Variants in AHNAK2 observed in about 807,000 individuals in gnomAD.
AHNAK2 encodes the protein AHNAK nucleoprotein 2.
Under a neutral mutation model 30.7 loss-of-function variants are expected in AHNAK2, and 18 were observed. That is an observed-to-expected ratio of 0.59 (90% confidence interval 0.41 to 0.87). The LOEUF is 0.87. AHNAK2 is among the 40% of genes least tolerant of loss of function. The pLI is 0.00. For synonymous variants in AHNAK2, 3,590 were observed against 3,073.8 expected (o/e 1.17, Z -5.56); for missense variants, 8,604 against 7,373.0 (o/e 1.17, Z -6.11).
In AHNAK2 at chr14:104,947,095, G is replaced by C. The variant is rs1430739454; in HGVS notation, c.8356C>G (p.Pro2786Ala). 27 of 1,612,472 alleles carry C rather than the reference G, an allele frequency of 1.7e-5. No homozygotes were observed. The highest frequency in any genetic ancestry group is 2.2e-5 in the Non-Finnish European group (26 of 1,179,596). ...LSSMEVDVQAPRAKLDGARLE... is the reference protein window; with the variant it reads ...LSSMEVDVQAARAKLDGARLE... Reference sequence around the variant, plus strand: ...CGCGCACCATCCAGCTTTGCTCTCGGGGCCTGGACGTCCACCTCCATGCTG... The same window carrying C: ...CGCGCACCATCCAGCTTTGCTCTCGCGGCCTGGACGTCCACCTCCATGCTG... The change falls in exon 7 of 7, where the codon CCG (proline) becomes GCG (alanine). Residue 2786 changes from proline (P) to alanine (A), a missense_variant. Physicochemically the swap from Pro to Ala is conservative, Grantham distance 27. Coordinates refer to ENST00000333244, the MANE Select transcript of AHNAK2 (RefSeq NM_138420.4).
At position 104,945,912 on chromosome 14, in the gene AHNAK2, G is replaced by A. The variant is rs776787571; in HGVS notation, c.9539C>T (p.Pro3180Leu). 22 of 1,248,328 alleles carry A rather than the reference G, an allele frequency of 1.8e-5. 5 individuals carry two copies. Among genetic ancestry groups the A allele is most frequent in the Admixed American group, 7.5e-5 (4 of 53,598 alleles). The allele number at this position is 1,248,328 out of a possible 1,614,324, so 77.3% of individuals were successfully genotyped here. The part of the protein sequence containing the change: ...APKVEADLSL[P>L]SMQGDLKNTD... ...GTTCTTCAGGTCCCCCTGCATGGAG[G>A]GGAGGCTCAGGTCGGCCTCCACCTT... Residue 3180 changes from proline (P) to leucine (L), a missense_variant, in exon 7 of 7, where the codon CCC becomes CTC. Pro to Leu is a moderately conservative substitution (Grantham distance 98). Transcript: ENST00000333244.
chr14:104,947,055 A>G lies in AHNAK2; in HGVS notation c.8396T>C (p.Leu2799Pro). ...KLDGARLEGD[L>P]SLADKGMTAK... ...TGTCATGCCCTTGTCGGCCAGGGAC[A>G]GGTCCCCCTCCAGCCGCGCACCATC... The change falls in exon 7 of 7, where the codon CTG becomes CCG. Residue 2799 changes from leucine to proline, a missense_variant. Transcript: ENST00000333244. 2 of 1,612,380 alleles carry G rather than the reference A, an allele frequency of 1.2e-6. No homozygotes were observed. The highest frequency in any genetic ancestry group is 1.7e-6 in the Non-Finnish European group (2 of 1,179,578).
In AHNAK2 at chr14:104,938,933, G is replaced by GA; in HGVS notation, c.16517dup (p.Thr5508HisfsTer26). The stretch of plus-strand genomic sequence containing the variant: ...AAGGTGTTTGAATCTCTGACGTGGG[G>GA]ATCTCTGATTCCCGCACAATCTGAG... On this transcript the variant is annotated frameshift_variant, in exon 7 of 7. Transcript: ENST00000333244. LOFTEE classifies it low-confidence loss of function (END_TRUNC). 1 of 1,613,522 alleles carries GA rather than the reference G, an allele frequency of 6.2e-7. No homozygotes were observed.
At position 104,944,993 on chromosome 14, in the gene AHNAK2, C is replaced by A. The variant is rs376865917; in HGVS notation, c.10458G>T (p.Ser3486=). 3.7e-4 allele frequency: 600 copies of A among 1,611,110 alleles called. 2 individuals carry two copies. The African/African-American group carries it at 4.6e-3, about 12-fold the overall frequency. The change falls in exon 7 of 7, where the codon TCG becomes TCT. Residue 3486 remains serine (S), a synonymous_variant. Transcript: ENST00000333244. The part of the protein sequence containing the change: ...PKFKMPSFGV[S]APGRSIEASL... The stretch of plus-strand genomic sequence containing the variant: ...AGGCCTCGATGGACCTGCCTGGGGC[C>A]GACACCCCGAAGGAGGGCATCTTGA...
At position 104,956,592 on chromosome 14, in the gene AHNAK2, G is replaced by C; in HGVS notation, c.311C>G (p.Pro104Arg). ...CTCAGCTCCTGCTGTACCCACCTCT[G>C]GACGACTCATCCTGAAAAATGTCCG... The part of the protein sequence containing the change: ...DSRTFFRMSR[P>R]EAVQEATEVT... Residue 104 changes from proline (P) to arginine (R), a missense_variant, in exon 4 of 7, where the codon CCA (proline) becomes CGA (arginine). Transcript: ENST00000333244. 6.2e-7 allele frequency: 1 copy of C among 1,613,780 alleles called. No individual in the cohort carries two copies.
rs771530796 is a variant in AHNAK2 at position 104,951,953 on chromosome 14, G to A, written c.3498C>T (p.Pro1166=). 1.9e-6 allele frequency: 3 copies of A among 1,611,654 alleles called. No individual in the cohort carries two copies. Among genetic ancestry groups the A allele is most frequent in the African/African-American group, 1.4e-5 (1 of 74,060 alleles). ...VTAKDSRFKM[P]KFKMPSFGAS... is the part of the protein sequence containing the mutation. The stretch of plus-strand genomic sequence containing the variant: ...CCCCGAACGATGGCATCTTGAACTT[G>A]GGCATTTTGAACCTGCTGTCTTTGG... The change falls in exon 7 of 7, where the codon CCC becomes CCT. Residue 1166 remains proline, a synonymous_variant. Transcript: ENST00000333244.
In AHNAK2 at chr14:104,955,645, G is replaced by C; in HGVS notation, c.316-12C>G. ...GCCTCCTGGACAGCCTGGAGCAGAAGCACATCAGGGCCATGGTGAGCATGT... is the reference window on the plus strand; with the variant it reads ...GCCTCCTGGACAGCCTGGAGCAGAACCACATCAGGGCCATGGTGAGCATGT... On this transcript the variant is annotated splice_polypyrimidine_tract_variant and intron_variant, in intron 4 of 6. Transcript: ENST00000333244. 6.2e-7 allele frequency: 1 copy of C among 1,611,544 alleles called. No individual in the cohort carries two copies. The highest frequency in any genetic ancestry group is 8.5e-7 in the Non-Finnish European group (1 of 1,178,766).
At chr14:104,972,566 C>T (rs1030491850) in intron 1 of AHNAK2, among the ~76,000 whole-genome samples, 2 of 152,142 alleles carry the variant, frequency 1.3e-5, no homozygotes, top group Admixed American at 1.3e-4. Context: ...GAGGGAGGTG[C>T]CCTGCACAGC....
rs187630833 is a variant in AHNAK2, at chr14:104,949,057, T to A, written c.6394A>T (p.Ser2132Cys). 9.4e-7 allele frequency: 1 copy of A among 1,061,876 alleles called. No individual in the cohort carries two copies. Among genetic ancestry groups the A allele is most frequent in the Non-Finnish European group, 1.4e-6 (1 of 730,844 alleles). The allele number at this position is 1,061,876 out of a possible 1,614,324, so 65.8% of individuals were successfully genotyped here. A position where few individuals can be genotyped will look rare whatever the true frequency, so the allele number is the denominator to read the frequency against. ...GTCAGGTCCCCCTGCAGATGCGCAC[T>A]ATCCAGCTTGGCTCTTGGGGCCTGG... ...DVQAPRAKLD[S>C]AHLQGDLTLA... The change falls in exon 7 of 7, where the codon AGT becomes TGT. Residue 2132 changes from serine (S) to cysteine (C), a missense_variant. Physicochemically the swap from Ser to Cys is moderately radical, Grantham distance 112. Transcript: ENST00000333244.
chr14:104,940,143 T>G lies in AHNAK2; in HGVS notation c.15308A>C (p.Asp5103Ala), dbSNP rs753861758. The G allele has an allele frequency of 6.2e-7, 1 of 1,613,426 alleles. No individual in the cohort carries two copies. The highest frequency in any genetic ancestry group is 8.5e-7 in the Non-Finnish European group (1 of 1,179,894). Reference protein sequence around the residue: ...HIPSLGFAKPDLRSSKAKVEV... With the variant: ...HIPSLGFAKPALRSSKAKVEV... ...CACCTTGGCCTTGGAGGATCTGAGA[T>G]CAGGTTTGGCAAAGCCCAAACTGGG... Residue 5103 changes from aspartate (D) to alanine (A), a missense_variant, in exon 7 of 7, where the codon GAT (aspartate) becomes GCT (alanine). Asp to Ala is a moderately radical substitution (Grantham distance 126). Transcript: ENST00000333244. The surrounding 1 kb of genome is among the most constrained non-coding windows in gnomAD (Gnocchi z 4.4).
rs1303790118 is a variant in AHNAK2, at chr14:104,942,850, G to A, written c.12601C>T (p.Leu4201Phe). ...CCCTTGGGCAGGGGGCCCTCCGGGA[G>A]TTTCACGTCCACTTGGCCAGCCTGG... ...EVQAGQVDVK[L>F]PEGPLPKGAG... The change falls in exon 7 of 7, where the codon CTC (leucine) becomes TTC (phenylalanine). Residue 4201 changes from leucine to phenylalanine, a missense_variant. Physicochemically the swap from Leu to Phe is conservative, Grantham distance 22. Transcript: ENST00000333244. The A allele has an allele frequency of 2.5e-6, 4 of 1,612,822 alleles. No homozygotes were observed. The Middle Eastern group carries it at 4.9e-4, about 199-fold the overall frequency.
In AHNAK2 at chr14:104,943,090, G is replaced by C; in HGVS notation, c.12361C>G (p.Leu4121Val). The change falls in exon 7 of 7, where the codon CTG becomes GTG. Residue 4121 changes from leucine (L) to valine (V), a missense_variant. Leu to Val is a conservative substitution (Grantham distance 32). Transcript: ENST00000333244. ...DGVQLEGDLS[L>V]ADKDVTAKDS... ...TTGGCAGTCACATCCTTGTCGGCCA[G>C]GGACAGGTCCCCCTCCAGCTGCACA... 1 of 1,613,202 alleles carries C rather than the reference G, an allele frequency of 6.2e-7. No individual in the cohort carries two copies. The highest frequency in any genetic ancestry group is 8.5e-7 in the Non-Finnish European group (1 of 1,179,586).
chr14:104,953,926 T>C lies in AHNAK2; in HGVS notation c.1525A>G (p.Ser509Gly). The C allele has an allele frequency of 6.2e-7, 1 of 1,614,036 alleles. No homozygotes were observed. The highest frequency in any genetic ancestry group is 1.3e-5 in the African/African-American group (1 of 75,064). ...TGTCTCTTCCCTCGCTGTGGGGTAC[T>C]AAGGCGCCTTTCTCTTTCTGGCTCT... The part of the protein sequence containing the change: ...EKEPERERRL[S>G]TPQRGKRQDA... Residue 509 changes from serine to glycine, a missense_variant, in exon 7 of 7, where the codon AGT becomes GGT. Coordinates refer to ENST00000333244, the MANE Select transcript of AHNAK2 (RefSeq NM_138420.4).
intron 1 of AHNAK2, chr14:104,970,596 G>C (rs1899447338): frequency 2.2e-6 from 2 of 897,518 alleles, no homozygotes. Context: ...GCTGGCTCTG[G>C]ACCCTGCCAG....
At position 104,941,706 on chromosome 14, in the gene AHNAK2, A is replaced by C; in HGVS notation, c.13745T>G (p.Val4582Gly). 1.9e-6 allele frequency: 3 copies of C among 1,613,436 alleles called. No individual in the cohort carries two copies. In the South Asian group the frequency reaches 3.3e-5, roughly 18 times the overall value. Residue 4582 changes from valine to glycine, a missense_variant, in exon 7 of 7, where the codon GTG (valine) becomes GGG (glycine). Physicochemically the swap from Val to Gly is moderately radical, Grantham distance 109. Coordinates refer to ENST00000333244, the MANE Select transcript of AHNAK2 (RefSeq NM_138420.4). Reference protein sequence around the residue: ...KLDLKGPKAEVMAPDVEVSLP... With the variant: ...KLDLKGPKAEGMAPDVEVSLP... The stretch of plus-strand genomic sequence containing the variant: ...AGACACCTCCACATCGGGGGCCATC[A>C]CCTCTGCCTTTGGGCCTTTCAGGTC...
intron 1 of AHNAK2, among the ~76,000 whole-genome samples, chr14:104,961,480 A>T (rs923894069): frequency 3.3e-5 from 5 of 150,988 alleles, no homozygotes; most frequent in Non-Finnish European, 5.9e-5. Context: ...GCGTCACTGC[A>T]CTCCAGCCTG....
rs369308227 is a variant in AHNAK2 at position 104,953,135 on chromosome 14, G to T, written c.2316C>A (p.Asp772Glu). ...QRPSLKMPKV[D>E]LKGPKLDLKG... ...TCAGGTCCAGCTTGGGGCCCTTGAG[G>T]TCCACTTTGGGCATCTTCAAACTGG... Residue 772 changes from aspartate to glutamate, a missense_variant, in exon 7 of 7, where the codon GAC becomes GAA. Asp to Glu is a conservative substitution (Grantham distance 45). Transcript: ENST00000333244. The T allele has an allele frequency of 4.3e-6, 7 of 1,611,964 alleles. No homozygotes were observed. The African/African-American group carries it at 6.7e-5, about 15-fold the overall frequency.
At position 104,958,171 on chromosome 14, in the gene AHNAK2, G is replaced by A. The variant is rs560733141; in HGVS notation, c.56-499C>T. ...AAACTATTAAAAGTTTGTTCAGGCCGGGCACGGTGGCTCATGCCTGTAATC... is the reference window on the plus strand; with the variant it reads ...AAACTATTAAAAGTTTGTTCAGGCCAGGCACGGTGGCTCATGCCTGTAATC... On this transcript the variant is annotated intron_variant, in intron 1 of 6. Coordinates refer to ENST00000333244, the MANE Select transcript of AHNAK2 (RefSeq NM_138420.4). 3.3e-5 allele frequency among the ~76,000 whole-genome samples: 5 copies of A among 152,310 alleles called. No individual in the cohort carries two copies. In the South Asian group the frequency reaches 1.0e-3, roughly 32 times the overall value.
Position 104,941,200 on chromosome 14 carries a change from C to G in AHNAK2, c.14251G>C (p.Ala4751Pro), listed in dbSNP as rs766482831. 3 of 1,613,554 alleles carry G rather than the reference C, an allele frequency of 1.9e-6. No individual in the cohort carries two copies. The highest frequency in any genetic ancestry group is 1.1e-5 in the South Asian group (1 of 91,078). The change falls in exon 7 of 7, where the codon GCT (alanine) becomes CCT (proline). Residue 4751 changes from alanine to proline, a missense_variant. Coordinates refer to ENST00000333244, the MANE Select transcript of AHNAK2 (RefSeq NM_138420.4). Reference protein sequence around the residue: ...CSSFELQQVSACSEPSMQMPK... With the variant: ...CSSFELQQVSPCSEPSMQMPK... ...ATCTGCATGGATGGCTCTGAACAAG[C>G]CGAAACCTGTTGTAATTCAAAACTT...
Sources: gnomAD v4.1 joint callset for allele counts (sites outside exome capture counted in the v4.1 genomes callset) on GRCh38, gnomAD v4.1.1 for gene constraint, Gnocchi (gnomAD v3.1) non-coding constraint, MANE v1.5 for transcripts, NCBI Gene and HGNC (gene_info 2026-07-23, HGNC 2026-07-21) for gene names.